Variants in TAF2 observed in about 807,000 individuals in gnomAD.
The protein encoded by TAF2 is transcription initiation factor TFIID subunit 2.
TAF2 carries 61 observed loss-of-function variants against 138.5 expected under a neutral mutation model. The ratio of observed to expected loss-of-function variants is 0.44; its 90% CI spans 0.36 to 0.54. TAF2 has a LOEUF of 0.54. Among genes scored for constraint, TAF2 ranks in the 20% least tolerant of loss-of-function variants. The pLI, the probability that TAF2 is intolerant of heterozygous loss-of-function variation, is 0.00. For missense variants in TAF2, 1,090 were observed against 1,427.9 expected (o/e 0.76, Z 3.81); for synonymous variants, 475 against 469.9 (o/e 1.01, Z -0.14).
intron 17 of TAF2, among the ~76,000 whole-genome samples, chr8:119,779,704 T>C (rs1185737329): frequency 6.6e-6 from 1 of 152,232 alleles, no homozygotes; most frequent in Non-Finnish European, 1.5e-5. Flanking sequence ...AGTGCTGCTG[T>C]GCAACCTACT....
intron 23 of TAF2, among the ~76,000 whole-genome samples, chr8:119,746,342 C>CAG (rs1486913127): frequency 1.5e-5 from 2 of 132,918 alleles, no homozygotes; most frequent in African/African-American, 5.9e-5. Context: ...CATTGCACTC[C>CAG]AGCCTGGGGA....
chr8:119,788,469 G>A (rs372876907), intron 13 of TAF2, 22 bp from the exon 14 acceptor site: 1 of 1,554,450 alleles, frequency 6.4e-7, no homozygotes, highest in Admixed American at 1.7e-5. Flanking sequence ...AAAACGTACT[G>A]TTCAGAGATG....
At chr8:119,778,688 C>T (rs2131124006) in intron 17 of TAF2, among the ~76,000 whole-genome samples, 1 of 152,302 alleles carries the variant, frequency 6.6e-6, no homozygotes, top group Admixed American at 6.5e-5. Flanking sequence ...ACACCTAATC[C>T]TCATGAACAC....
At chr8:119,812,718 GGTGTGTGTGTGT>G (rs201947539) in intron 3 of TAF2, among the ~76,000 whole-genome samples, 5 of 143,962 alleles carry the variant, frequency 3.5e-5, no homozygotes, top group South Asian at 2.2e-4. Context: ...AGTATTCCAT[GGTGTGTGTGTGT>G]GTGTGTGTGT....
intron 5 of TAF2, among the ~76,000 whole-genome samples, chr8:119,803,347 A>G (rs938711256): frequency 6.6e-6 from 1 of 152,216 alleles, no homozygotes; most frequent in African/African-American, 2.4e-5. Flanking sequence ...AAGTGAGATG[A>G]TTATTTTAGA....
intron 2 of TAF2, 105 bp downstream of exon 2, chr8:119,831,570 AAC>A (rs1826447822): frequency 1.3e-6 from 1 of 793,042 alleles, no homozygotes; most frequent in Non-Finnish European, 2.0e-6. Flanking sequence ...CTATTCTTGA[AAC>A]ACAATTATCT....
At chr8:119,795,688 G>A (rs567341888) in intron 8 of TAF2, 57 bp from the exon 9 acceptor site, 2 of 1,422,154 alleles carry the variant, frequency 1.4e-6, no homozygotes, top group Admixed American at 3.4e-5. Context: ...CTCAGATAAT[G>A]TCAAAGAGGA....
chr8:119,762,934 C>A (rs1379743370), intron 18 of TAF2: 1 of 216,490 alleles, frequency 4.6e-6, no homozygotes. Context: ...AAAAACAAAT[C>A]CTAATCTACA....
intron 11 of TAF2, 42 bp from the exon 12 acceptor site, chr8:119,789,788 C>A (rs748961019): frequency 1.9e-6 from 3 of 1,573,868 alleles, no homozygotes; most frequent in Non-Finnish European, 2.6e-6. Flanking sequence ...ATAACAGATT[C>A]TTTTCAATTA....
Position 119,742,654 on chromosome 8 carries a change from G to A in TAF2, c.3217C>T (p.Leu1073Phe). ...NMLERPSTPG[L>F]SKYRPASSRS... The stretch of plus-strand genomic sequence containing the variant: ...GAGCTAGCTGGCCGATATTTCGAGA[G>A]CCCTAAAATGCCAAACAAGAGAAAA... The change falls in exon 25 of 26, where the codon CTC becomes TTC. Residue 1073 changes from leucine (L) to phenylalanine (F), a missense_variant and splice_region_variant. Physicochemically the swap from Leu to Phe is conservative, Grantham distance 22 (BLOSUM62 0). Transcript: ENST00000378164. 2 of 1,613,584 alleles carry A rather than the reference G, an allele frequency of 1.2e-6. No homozygotes were observed. Among genetic ancestry groups the A allele is most frequent in the African/African-American group, 1.3e-5 (1 of 74,892 alleles).
chr8:119,751,158 C>G (rs1820322860), intron 22 of TAF2, among the ~76,000 whole-genome samples: 1 of 151,974 alleles, frequency 6.6e-6, no homozygotes, highest in African/African-American at 2.4e-5. Flanking sequence ...AATTCAGTAT[C>G]TTACTTGAAG....
chr8:119,761,489 T>A (rs1821059094), intron 19 of TAF2: 1 of 152,186 alleles, frequency 6.6e-6, no homozygotes, highest in African/African-American at 2.4e-5. Context: ...AAAATTAATA[T>A]CTAAAGTCTG....
At chr8:119,812,693 T>C (rs1563916134) in intron 3 of TAF2, among the ~76,000 whole-genome samples, 1 of 152,216 alleles carries the variant, frequency 6.6e-6, no homozygotes, top group African/African-American at 2.4e-5. Context: ...TTTCATTATT[T>C]TTTTATGGCT....
intron 18 of TAF2, among the ~76,000 whole-genome samples, chr8:119,770,716 C>T (rs1047284082): frequency 3.9e-5 from 6 of 152,190 alleles, no homozygotes; most frequent in African/African-American, 1.4e-4. Context: ...AACACTATGA[C>T]AGGAAGAAAA....
intron 22 of TAF2, among the ~76,000 whole-genome samples, chr8:119,747,659 T>G (rs1820070301): frequency 6.6e-6 from 1 of 152,104 alleles, no homozygotes; most frequent in African/African-American, 2.4e-5. Flanking sequence ...GCCTTCCTTT[T>G]CTCCCCAGTA....
At chr8:119,804,067 T>C (rs1335139639) in intron 4 of TAF2, 48 bp from the exon 5 acceptor site, 1 of 1,602,562 alleles carries the variant, frequency 6.2e-7, no homozygotes, top group Admixed American at 1.7e-5. Context: ...GTTACAGTGG[T>C]CTATATAATA....
chr8:119,822,061 A>G (rs1003819129), intron 2 of TAF2, among the ~76,000 whole-genome samples: 1 of 151,994 alleles, frequency 6.6e-6, no homozygotes, highest in African/African-American at 2.4e-5. Flanking sequence ...AAAACACTTA[A>G]AATTATAGCT....
intron 3 of TAF2, among the ~76,000 whole-genome samples, chr8:119,810,098 A>G (rs1824947417): frequency 6.6e-6 from 1 of 151,994 alleles, no homozygotes; most frequent in Admixed American, 6.6e-5. Flanking sequence ...ATTATCATAC[A>G]ATTAAAAAAA....
chr8:119,781,999 T>C (rs1463596327), intron 16 of TAF2, among the ~76,000 whole-genome samples: 3 of 152,228 alleles, frequency 2.0e-5, no homozygotes, highest in Non-Finnish European at 4.4e-5. Context: ...AAAAAATTCT[T>C]ACATGTATTT....
Sources: gnomAD v4.1 joint callset for allele counts (sites outside exome capture counted in the v4.1 genomes callset) on GRCh38, gnomAD v4.1.1 for gene constraint, MANE v1.5 for transcripts, NCBI Gene and HGNC (gene_info 2026-07-23, HGNC 2026-07-21) for gene names.